GABRA5: variants seen among roughly 807,000 people sequenced by gnomAD.
GABRA5 encodes gamma-aminobutyric acid type A receptor subunit alpha5.
Under a neutral mutation model 47.3 loss-of-function variants are expected in GABRA5, and 18 were observed. The ratio of observed to expected loss-of-function variants is 0.38; its 90% CI spans 0.26 to 0.56. The LOEUF (loss-of-function observed/expected upper bound fraction) is 0.56. Ranked by LOEUF, GABRA5 falls within the 20% of genes least tolerant of loss-of-function variation. The pLI, the probability that GABRA5 is intolerant of heterozygous loss-of-function variation, is 0.71. For missense variants in GABRA5, 365 were observed against 599.3 expected, an observed-to-expected ratio of 0.61 and a Z score of 4.08; for synonymous variants, 237 against 229.3, an observed-to-expected ratio of 1.03 and a Z score of -0.30.
At chr15:26,907,321 G>A (rs748121795) in intron 6 of GABRA5, among the ~76,000 whole-genome samples, 1 of 152,210 alleles carries the variant, frequency 6.6e-6, no homozygotes, top group Admixed American at 6.5e-5. Context: ...AATACCCTAA[G>A]TTGACTTTTA....
chr15:26,904,502 T>C (rs1262879893), intron 6 of GABRA5, among the ~76,000 whole-genome samples: 1 of 152,116 alleles, frequency 6.6e-6, no homozygotes, highest in Non-Finnish European at 1.5e-5. Context: ...TTGTGAAGAA[T>C]GTCATTGGTA....
chr15:26,930,902 T>C (rs1259345216), intron 7 of GABRA5, among the ~76,000 whole-genome samples: 2 of 144,962 alleles, frequency 1.4e-5, no homozygotes, highest in African/African-American at 5.1e-5. Flanking sequence ...TTTCTTTTTT[T>C]TTTTTTTTTT....
At chr15:26,930,006 C>CTTTTTTT (rs72082419) in intron 7 of GABRA5, among the ~76,000 whole-genome samples, 116 of 113,352 alleles carry the variant, frequency 1.0e-3, no homozygotes, top group East Asian at 2.1e-3. Context: ...TCTTCTTCTT[C>CTTTTTTT]TTTTTTTTTT....
chr15:26,924,725 CTTGG>C (rs1314546783), intron 7 of GABRA5, among the ~76,000 whole-genome samples: 1 of 152,074 alleles, frequency 6.6e-6, no homozygotes, highest in African/African-American at 2.4e-5. Flanking sequence ...TGGGGGGATG[CTTGG>C]TTGGAGTACA....
chr15:26,943,491 C>G (rs1894436808), intron 10 of GABRA5, 65 bp downstream of exon 10: 1 of 1,402,876 alleles, frequency 7.1e-7, no homozygotes, highest in Admixed American at 2.0e-5. Context: ...CTGATTCTAT[C>G]CAAACATGAG....
intron 6 of GABRA5, among the ~76,000 whole-genome samples, chr15:26,910,702 T>C (rs1002050982): frequency 1.3e-5 from 2 of 152,104 alleles, no homozygotes; most frequent in African/African-American, 2.4e-5. Context: ...TTAACAGAAA[T>C]TGGAAGTAAA....
intron 7 of GABRA5, among the ~76,000 whole-genome samples, chr15:26,923,595 T>A (rs1309515805): frequency 3.3e-5 from 5 of 152,212 alleles, no homozygotes; most frequent in African/African-American, 4.8e-5. Flanking sequence ...GGTTTATTGG[T>A]CTACACCAAT....
intron 6 of GABRA5, among the ~76,000 whole-genome samples, chr15:26,893,575 C>T (rs1048137106): frequency 2.6e-5 from 4 of 151,894 alleles, no homozygotes; most frequent in Non-Finnish European, 4.4e-5. Context: ...GCCTAGGGCT[C>T]CCCTTCCTCT....
chr15:26,879,076 C>T (rs1423421352), intron 3 of GABRA5, among the ~76,000 whole-genome samples: 2 of 152,222 alleles, frequency 1.3e-5, no homozygotes, highest in Non-Finnish European at 2.9e-5. Context: ...GGAACATTTT[C>T]ACAACAGAGA....
intron 3 of GABRA5, among the ~76,000 whole-genome samples, chr15:26,879,626 C>T (rs1473172463): frequency 6.6e-6 from 1 of 152,140 alleles, no homozygotes; most frequent in Admixed American, 6.5e-5. Context: ...AAGGGAATAG[C>T]TTTAGGGCCA....
At chr15:26,932,427 A>G (rs897514569) in intron 7 of GABRA5, among the ~76,000 whole-genome samples, 7 of 152,368 alleles carry the variant, frequency 4.6e-5, no homozygotes, top group East Asian at 1.9e-4. Context: ...ACCATCTCAC[A>G]CCAGTCAGAA....
intron 6 of GABRA5, among the ~76,000 whole-genome samples, chr15:26,914,462 GTCCCGTC>G (rs1566878505): frequency 6.6e-6 from 1 of 152,144 alleles, no homozygotes; most frequent in Non-Finnish European, 1.5e-5. Flanking sequence ...CATGTTTTCA[GTCCCGTC>G]AAGGAAAGCT....
At chr15:26,879,317 C>T (rs548489220) in intron 3 of GABRA5, among the ~76,000 whole-genome samples, 1 of 152,296 alleles carries the variant, frequency 6.6e-6, no homozygotes, top group Middle Eastern at 3.4e-3. Flanking sequence ...CAAAATATAA[C>T]CTTCTTTTTT....
intron 7 of GABRA5, among the ~76,000 whole-genome samples, chr15:26,917,553 T>C (rs1182736433): frequency 6.6e-6 from 1 of 152,078 alleles, no homozygotes; most frequent in African/African-American, 2.4e-5. Flanking sequence ...TTTTGACCAC[T>C]TTTCATATGA....
chr15:26,900,259 T>C (rs1221576940), intron 6 of GABRA5, among the ~76,000 whole-genome samples: 1 of 152,182 alleles, frequency 6.6e-6, no homozygotes, highest in Non-Finnish European at 1.5e-5. Flanking sequence ...AACATAGATT[T>C]ACAATTATTA....
At chr15:26,941,804 T>G (rs1027617768) in intron 9 of GABRA5, among the ~76,000 whole-genome samples, 13 of 152,304 alleles carry the variant, frequency 8.5e-5, no homozygotes, top group African/African-American at 2.4e-4. Context: ...CACGGCATGC[T>G]CCCTGTGTGC....
intron 3 of GABRA5, among the ~76,000 whole-genome samples, chr15:26,876,475 C>G (rs887534970): frequency 9.9e-5 from 15 of 152,238 alleles, no homozygotes; most frequent in South Asian, 4.1e-4. Flanking sequence ...ACAGACAGAG[C>G]CGTGCCCTGA....
chr15:26,869,137 T>C, intron 2 of GABRA5, 38 bp from the exon 3 acceptor site: 1 of 726,178 alleles, frequency 1.4e-6, no homozygotes. Context: ...ACAACAGCAT[T>C]GATGTTCACG....
intron 6 of GABRA5, among the ~76,000 whole-genome samples, chr15:26,912,739 C>T (rs1373159855): frequency 6.6e-6 from 1 of 152,052 alleles, no homozygotes; most frequent in African/African-American, 2.4e-5. Flanking sequence ...TAGGTATAAA[C>T]AAGACTGACT....
Sources: gnomAD v4.1 joint callset for allele counts (sites outside exome capture counted in the v4.1 genomes callset) on GRCh38, gnomAD v4.1.1 for gene constraint, MANE v1.5 for transcripts, NCBI Gene and HGNC (gene_info 2026-07-23, HGNC 2026-07-21) for gene names.